Variants in POLA1 observed in about 807,000 individuals in gnomAD.
POLA1 encodes DNA polymerase alpha catalytic subunit.
In POLA1, 15 loss-of-function variants were observed where a neutral mutation model predicts 124.0. The observed-to-expected ratio is 0.12, with a 90% CI of 0.08 to 0.19. The LOEUF is 0.19. Ranked by LOEUF, POLA1 falls within the 10% of genes least tolerant of loss-of-function variation. The pLI, the probability that POLA1 is intolerant of heterozygous loss-of-function variation, is 1.00. For missense variants in POLA1, 886 were observed against 1,103.4 expected (o/e 0.80, Z 2.79); for synonymous variants, 408 against 389.4 (o/e 1.05, Z -0.56).
chrX:24,781,333 T>G (rs961619483), intron 26 of POLA1, among the ~76,000 whole-genome samples: 15 of 111,538 alleles, frequency 1.3e-4, no homozygotes, highest in Non-Finnish European at 3.8e-5. Context: ...TAGTGGCTTT[T>G]TACATTGTCC....
At position 24,848,070 on chromosome X, in the gene POLA1, TATC is replaced by T. The variant is rs1261831430; in HGVS notation, c.4047+4399_4047+4401del. On this transcript the variant is annotated intron_variant, in intron 34 of 36. Transcript: ENST00000379068. The stretch of plus-strand genomic sequence containing the variant: ...CAGGCAAAGAGGCATTAACCAGAAA[TATC>T]ATCATGATGCACAATAGCACCTAGC... 3.6e-5 allele frequency among the ~76,000 whole-genome samples: 4 copies of T among 112,140 alleles called. No individual in the cohort carries two copies. In the South Asian group the frequency reaches 1.5e-3, roughly 42 times the overall value.
intron 34 of POLA1, among the ~76,000 whole-genome samples, chrX:24,847,213 C>G (rs765005530): frequency 1.8e-5 from 2 of 111,356 alleles, no homozygotes; most frequent in Admixed American, 9.6e-5. Context: ...AAATGTGACC[C>G]CTCTTGGTAC....
chrX:24,725,890 T>C, intron 12 of POLA1, 91 bp from the exon 13 acceptor site: 4 of 579,408 alleles, frequency 6.9e-6, no homozygotes, highest in Non-Finnish European at 1.1e-5. Context: ...ATAAGGATTC[T>C]TGATGATTAA....
chrX:24,907,132 A>G (rs1247672414), intron 35 of POLA1, among the ~76,000 whole-genome samples: 4 of 111,472 alleles, frequency 3.6e-5, no homozygotes, highest in Admixed American at 1.9e-4. Context: ...CGGCGGTTGC[A>G]GTGAGCCAAG....
chrX:24,810,891 G>A, intron 28 of POLA1, 91 bp downstream of exon 28: 4 of 466,202 alleles, frequency 8.6e-6, no homozygotes, highest in Non-Finnish European at 1.1e-5. Context: ...GTATATGAAT[G>A]TGTGTGCTTC....
chrX:24,836,940 A>G (rs1346225613), intron 32 of POLA1, among the ~76,000 whole-genome samples: 1 of 111,570 alleles, frequency 9.0e-6, no homozygotes, highest in African/African-American at 3.3e-5. Context: ...TTTATACAAT[A>G]TTTTAAAAAA....
chrX:24,969,200 T>G (rs1392507629), intron 36 of POLA1, among the ~76,000 whole-genome samples: 1 of 104,462 alleles, frequency 9.6e-6, no homozygotes, highest in Non-Finnish European at 1.9e-5. Context: ...AGAGCAAGAC[T>G]CCGTCTCAAA....
At chrX:24,857,079 A>G (rs371095972) in intron 34 of POLA1, among the ~76,000 whole-genome samples, 1 of 111,772 alleles carries the variant, frequency 8.9e-6, no homozygotes, top group Non-Finnish European at 1.9e-5. Context: ...ATCTATGTCT[A>G]TGATCCATTT....
chrX:24,863,279 T>A (rs1436914670), intron 34 of POLA1, among the ~76,000 whole-genome samples: 1 of 103,221 alleles, frequency 9.7e-6, no homozygotes, highest in Non-Finnish European at 2.0e-5. Context: ...TCTTCCACCC[T>A]CTTTTCAAAC....
chrX:24,828,076 G>T, intron 32 of POLA1, among the ~76,000 whole-genome samples: 1 of 112,535 alleles, frequency 8.9e-6, no homozygotes, highest in Non-Finnish European at 1.9e-5. Flanking sequence ...ATATTAGGAA[G>T]ATAAAATTCT....
At chrX:24,847,685 T>G (rs762521315) in intron 34 of POLA1, among the ~76,000 whole-genome samples, 2 of 112,398 alleles carry the variant, frequency 1.8e-5, no homozygotes, top group South Asian at 7.5e-4. Flanking sequence ...TTAAGCTTTT[T>G]GAGGACAGGG....
chrX:24,804,729 C>G (rs769052822), intron 26 of POLA1, among the ~76,000 whole-genome samples: 6 of 111,532 alleles, frequency 5.4e-5, no homozygotes, highest in Non-Finnish European at 9.4e-5. Context: ...TGTTTTCTCT[C>G]TATTGTTTAG....
intron 15 of POLA1, among the ~76,000 whole-genome samples, chrX:24,732,155 A>T (rs1321008197): frequency 9.0e-6 from 1 of 111,029 alleles, no homozygotes; most frequent in Non-Finnish European, 1.9e-5. Context: ...GGGTTTTACC[A>T]TGTTGGCCAG....
intron 36 of POLA1, among the ~76,000 whole-genome samples, chrX:24,958,803 A>C (rs1016088961): frequency 3.6e-5 from 4 of 111,638 alleles, no homozygotes; most frequent in African/African-American, 1.3e-4. Flanking sequence ...CAGCGTACTG[A>C]AAACATTGGT....
At chrX:24,856,686 T>A (rs1168059813) in intron 34 of POLA1, among the ~76,000 whole-genome samples, 4 of 111,678 alleles carry the variant, frequency 3.6e-5, no homozygotes, top group African/African-American at 1.3e-4. Flanking sequence ...ATTTTAGACA[T>A]TTTAATATGT....
At chrX:24,849,813 G>A (rs986989632) in intron 34 of POLA1, among the ~76,000 whole-genome samples, 2 of 110,701 alleles carry the variant, frequency 1.8e-5, no homozygotes, top group African/African-American at 6.6e-5. Flanking sequence ...TGTATTTTTA[G>A]TAGAGACGGG....
At chrX:24,920,195 A>G (rs1172364221) in intron 35 of POLA1, among the ~76,000 whole-genome samples, 3 of 110,825 alleles carry the variant, frequency 2.7e-5, no homozygotes, top group East Asian at 2.8e-4. Flanking sequence ...CAAAGGTGCA[A>G]TTTCTAAAGG....
At chrX:24,922,204 A>G (rs1463866791) in intron 35 of POLA1, among the ~76,000 whole-genome samples, 2 of 108,944 alleles carry the variant, frequency 1.8e-5, no homozygotes, top group East Asian at 2.9e-4. Context: ...CCTCCCAAGT[A>G]GCTGGGACTA....
chrX:24,754,971 GT>G (rs1183844478), intron 26 of POLA1, among the ~76,000 whole-genome samples: 1 of 112,362 alleles, frequency 8.9e-6, no homozygotes, highest in Non-Finnish European at 1.9e-5. Flanking sequence ...AGGTTTCCAA[GT>G]TTTCATTTGT....
Sources: allele counts gnomAD v4.1 joint callset (sites outside exome capture counted in the v4.1 genomes callset), GRCh38; gene constraint gnomAD v4.1.1; transcripts MANE v1.5; gene names NCBI Gene and HGNC (gene_info 2026-07-23, HGNC 2026-07-21).